The following STYXL2 variants were observed in gnomAD, a reference collection of about 807,000 sequenced individuals.
STYXL2 encodes serine/threonine/tyrosine interacting like 2.
In STYXL2, 44 loss-of-function variants were observed where a neutral mutation model predicts 52.4. The observed-to-expected ratio is 0.84, with a 90% CI of 0.66 to 1.08. The LOEUF is 1.08. Among genes scored for constraint, STYXL2 ranks in the 50% least tolerant of loss-of-function variants. The probability of loss-of-function intolerance (pLI) is 0.00; values close to 1 mark genes in which losing one functional copy is unlikely to be tolerated. For missense variants in STYXL2, 1,604 were observed against 1,471.7 expected, an observed-to-expected ratio of 1.09 and a Z score of -1.47; for synonymous variants, 604 against 586.9, an observed-to-expected ratio of 1.03 and a Z score of -0.42.
chr1:167,111,466 G>GTATATATATA (rs1667613973), intron 2 of STYXL2, among the ~76,000 whole-genome samples: 1 of 78,464 alleles, frequency 1.3e-5, no homozygotes, highest in Non-Finnish European at 2.8e-5. Context: ...GGAAAATATG[G>GTATATATATA]TACATATATA....
rs768406505 is a variant in STYXL2 at position 167,094,913 on chromosome 1, G to T, written c.64G>T (p.Val22Leu). The T allele has an allele frequency of 2.0e-5, 33 of 1,612,254 alleles. No homozygotes were observed. The South Asian group carries it at 2.9e-4, about 14-fold the overall frequency. Residue 22 changes from valine (V) to leucine (L), a missense_variant, in exon 2 of 6, where the codon GTG becomes TTG. Physicochemically the swap from Val to Leu is conservative, Grantham distance 32 (BLOSUM62 1). Transcript: ENST00000361200. ...CCCAAGCGAGGAGGACGAAGCCAACGTGAGGGCGGTGCAGGCCCACTACCT... is the reference window on the plus strand; with the variant it reads ...CCCAAGCGAGGAGGACGAAGCCAACTTGAGGGCGGTGCAGGCCCACTACCT... Reference protein sequence around the residue: ...VVPSEEDEANVRAVQAHYLRS... With the variant: ...VVPSEEDEANLRAVQAHYLRS...
At chr1:167,116,318 G>T (rs1667720883) in intron 3 of STYXL2, among the ~76,000 whole-genome samples, 1 of 152,156 alleles carries the variant, frequency 6.6e-6, no homozygotes, top group South Asian at 2.1e-4. Context: ...TCTGGAGTTT[G>T]AGCTTTTCTG....
At chr1:167,114,522 C>G (rs1197146580) in intron 3 of STYXL2, among the ~76,000 whole-genome samples, 1 of 152,160 alleles carries the variant, frequency 6.6e-6, no homozygotes, top group Admixed American at 6.5e-5. Flanking sequence ...TCTCAACCAC[C>G]GCTGGTGGCC....
intron 4 of STYXL2, among the ~76,000 whole-genome samples, chr1:167,118,479 A>G (rs1032621376): frequency 6.6e-6 from 1 of 152,200 alleles, no homozygotes; most frequent in African/African-American, 2.4e-5. Flanking sequence ...CTAGAACTTG[A>G]TCCTCAGAGC....
At position 167,127,591 on chromosome 1, in the gene STYXL2, C is replaced by G. The variant is rs1354373043; in HGVS notation, c.2460C>G (p.Ser820Arg). The change falls in exon 6 of 6, where the codon AGC (serine) becomes AGG (arginine). Residue 820 changes from serine (S) to arginine (R), a missense_variant. Ser to Arg is a moderately radical substitution (Grantham distance 110, BLOSUM62 -1). Coordinates refer to ENST00000361200, the MANE Select transcript of STYXL2 (RefSeq NM_001080426.3). The part of the protein sequence containing the change: ...ESCRSKVRGT[S>R]KPIFSLFADN... Reference sequence around the variant, plus strand: ...GCAGAAGCAAAGTGAGGGGGACCAGCAAGCCCATCTTCAGCCTCTTTGCTG... The same window carrying G: ...GCAGAAGCAAAGTGAGGGGGACCAGGAAGCCCATCTTCAGCCTCTTTGCTG... 6.2e-7 allele frequency: 1 copy of G among 1,614,164 alleles called. No homozygotes were observed. The highest frequency in any genetic ancestry group is 2.2e-5 in the East Asian group (1 of 44,888).
At position 167,128,825 on chromosome 1, in the gene STYXL2, C is replaced by A. The variant is rs1314230104; in HGVS notation, c.*217C>A. The A allele has an allele frequency of 1.5e-6, 1 of 669,404 alleles. No individual in the cohort carries two copies. Among genetic ancestry groups the A allele is most frequent in the Non-Finnish European group, 2.4e-6 (1 of 420,266 alleles). 41.5% of individuals were successfully genotyped at this position (669,404 alleles called of 1,614,324 possible). A position where few individuals can be genotyped will look rare whatever the true frequency, so the allele number is the denominator to read the frequency against. ...TCAATACGAATACGAGGTCCGAATG[C>A]GGACCAACTGATACCATTTTCTGTT... On this transcript the variant is annotated 3_prime_UTR_variant, in exon 6 of 6. Coordinates refer to ENST00000361200, the MANE Select transcript of STYXL2 (RefSeq NM_001080426.3).
rs1312507087 is a variant in STYXL2, at chr1:167,096,257, C to CA, written c.110+1307dup. Among the ~76,000 whole-genome samples, 81 of 150,024 alleles carry CA rather than the reference C, an allele frequency of 5.4e-4. 2 individuals are homozygous for CA. The East Asian group carries it at 0.011, about 21-fold the overall frequency. On this transcript the variant is annotated intron_variant, in intron 2 of 5. Transcript: ENST00000361200. Reference sequence around the variant, plus strand: ...TGGGCGACAGAGCGAGACTCCATCTCAAAAAAAAAGAAAAGAAAATTCAGC... The same window carrying CA: ...TGGGCGACAGAGCGAGACTCCATCTCAAAAAAAAAAGAAAAGAAAATTCAGC...
intron 2 of STYXL2, among the ~76,000 whole-genome samples, chr1:167,102,001 A>T (rs1472760909): frequency 6.6e-6 from 1 of 152,208 alleles, no homozygotes; most frequent in African/African-American, 2.4e-5. Context: ...ATACAACAAC[A>T]TGGATGAATC....
chr1:167,126,640 G>A lies in STYXL2; in HGVS notation c.1509G>A (p.Glu503=), dbSNP rs780636057. Residue 503 remains glutamate, a synonymous_variant, in exon 6 of 6, where the codon GAG becomes GAA. Transcript: ENST00000361200. The part of the protein sequence containing the change: ...RRYHAKSKRE[E]AADRSSEAGS... ...ACCACGCCAAGAGCAAGAGAGAGGAGGCGGCAGACAGGAGCTCAGAAGCAG... is the reference window on the plus strand; with the variant it reads ...ACCACGCCAAGAGCAAGAGAGAGGAAGCGGCAGACAGGAGCTCAGAAGCAG... 7.4e-6 allele frequency: 12 copies of A among 1,614,148 alleles called. No individual in the cohort carries two copies. In the East Asian group the frequency reaches 2.7e-4, roughly 36 times the overall value.
In STYXL2 at chr1:167,128,170, G is replaced by A; in HGVS notation, c.3039G>A (p.Arg1013=). The A allele has an allele frequency of 1.9e-6, 3 of 1,614,216 alleles. No individual in the cohort carries two copies. Among genetic ancestry groups the A allele is most frequent in the Non-Finnish European group, 2.5e-6 (3 of 1,180,036 alleles). Residue 1013 remains arginine, a synonymous_variant, in exon 6 of 6, where the codon AGG becomes AGA. Coordinates refer to ENST00000361200, the MANE Select transcript of STYXL2 (RefSeq NM_001080426.3). ...STSRFSSSST[R]EGREMHKFSR... is the part of the protein sequence containing the mutation. Reference sequence around the variant, plus strand: ...CACGGTTCTCATCTTCCTCCACCAGGGAGGGCAGAGAGATGCACAAGTTCT... The same window carrying A: ...CACGGTTCTCATCTTCCTCCACCAGAGAGGGCAGAGAGATGCACAAGTTCT...
chr1:167,098,890 G>A (rs914822561), intron 2 of STYXL2, among the ~76,000 whole-genome samples: 17 of 152,158 alleles, frequency 1.1e-4, no homozygotes, highest in African/African-American at 4.1e-4. Context: ...TCATGAGCTA[G>A]CCTCAGGAGT....
At position 167,127,155 on chromosome 1, in the gene STYXL2, C is replaced by T. The variant is rs777654054; in HGVS notation, c.2024C>T (p.Thr675Met). Reference sequence around the variant, plus strand: ...CCCTCAGTCAGCGCTGATGGGGACACGACGTCAGTACTGAGCACCCAGAGC... The same window carrying T: ...CCCTCAGTCAGCGCTGATGGGGACATGACGTCAGTACTGAGCACCCAGAGC... ...ADPSVSADGD[T>M]TSVLSTQSHR... The change falls in exon 6 of 6, where the codon ACG becomes ATG. Residue 675 changes from threonine to methionine, a missense_variant. By Grantham distance (81) the Thr-to-Met change is moderately conservative. Coordinates refer to ENST00000361200, the MANE Select transcript of STYXL2 (RefSeq NM_001080426.3). 23 of 1,613,994 alleles carry T rather than the reference C, an allele frequency of 1.4e-5. No individual in the cohort carries two copies. Among genetic ancestry groups the T allele is most frequent in the Non-Finnish European group, 1.9e-5 (22 of 1,179,994 alleles).
In STYXL2 at chr1:167,117,436, A is replaced by G; in HGVS notation, c.314A>G (p.Asp105Gly). ...DLYNRVREKM[D>G]DTSLYNTPCV... ...TACAACCGCGTCAGGGAGAAGATGG[A>G]TGACACCAGCCTCTATAATACGCCC... Residue 105 changes from aspartate (D) to glycine (G), a missense_variant, in exon 4 of 6, where the codon GAT becomes GGT. Transcript: ENST00000361200. The G allele has an allele frequency of 3.1e-6, 5 of 1,612,734 alleles. No individual in the cohort carries two copies. Among genetic ancestry groups the G allele is most frequent in the Non-Finnish European group, 4.2e-6 (5 of 1,179,474 alleles).
At chr1:167,108,793 AAAG>A (rs1245512372) in intron 2 of STYXL2, among the ~76,000 whole-genome samples, 2 of 152,202 alleles carry the variant, frequency 1.3e-5, no homozygotes, top group Non-Finnish European at 2.9e-5. Context: ...AGACCCTTTC[AAAG>A]AAGCAGCTTG....
intron 2 of STYXL2, among the ~76,000 whole-genome samples, chr1:167,100,978 A>G (rs1667392477): frequency 6.6e-6 from 1 of 152,238 alleles, no homozygotes. Flanking sequence ...TCACAGAACC[A>G]CACCTAAACC....
chr1:167,111,489 TATATATATATATATATATATATATAC>T lies in STYXL2; in HGVS notation c.111-2219_111-2194del, dbSNP rs1174789991. ...TGGTACATATATATATATATATATA[TATATATATATATATATATATATATAC>T]ACACACACACACACAAATATATATA... On this transcript the variant is annotated intron_variant, in intron 2 of 5. Transcript: ENST00000361200. Among the ~76,000 whole-genome samples, 15 of 69,650 alleles carry T rather than the reference TATATATATATATATATATATATATAC, an allele frequency of 2.2e-4. No individual in the cohort carries two copies. In the East Asian group the frequency reaches 2.8e-3, roughly 13 times the overall value. The allele number at this position is 69,650 out of a possible 152,430, so 45.7% of individuals were successfully genotyped here.
intron 1 of STYXL2, 133 bp from the exon 2 acceptor site, chr1:167,094,701 C>T (rs906930719): frequency 7.8e-6 from 5 of 643,558 alleles, no homozygotes; most frequent in East Asian, 2.8e-5. Flanking sequence ...CTGGATATTC[C>T]TTGCTGGTCT....
At position 167,128,004 on chromosome 1, in the gene STYXL2, C is replaced by T. The variant is rs751579282; in HGVS notation, c.2873C>T (p.Ser958Phe). Reference protein sequence around the residue: ...PPFQSDWSGSSRGKYTRSSLL... With the variant: ...PPFQSDWSGSFRGKYTRSSLL... ...TTCCAAAGTGACTGGTCTGGAAGTT[C>T]CAGAGGGAAGTACACCAGATCGTCC... Residue 958 changes from serine (S) to phenylalanine (F), a missense_variant, in exon 6 of 6, where the codon TCC becomes TTC. By Grantham distance (155) the Ser-to-Phe change is radical (BLOSUM62 -2). Coordinates refer to ENST00000361200, the MANE Select transcript of STYXL2 (RefSeq NM_001080426.3). 6.2e-7 allele frequency: 1 copy of T among 1,614,152 alleles called. No homozygotes were observed. Among genetic ancestry groups the T allele is most frequent in the South Asian group, 1.1e-5 (1 of 91,064 alleles).
At position 167,127,850 on chromosome 1, in the gene STYXL2, C is replaced by A; in HGVS notation, c.2719C>A (p.Pro907Thr). The A allele has an allele frequency of 6.2e-7, 1 of 1,613,854 alleles. No homozygotes were observed. The change falls in exon 6 of 6, where the codon CCT becomes ACT. Residue 907 changes from proline to threonine, a missense_variant. Pro to Thr is a conservative substitution (Grantham distance 38). Coordinates refer to ENST00000361200, the MANE Select transcript of STYXL2 (RefSeq NM_001080426.3). ...RYSSRSNSQK[P>T]ETDTCSSLAV... ...TTCTTCCCGCAGTAATTCCCAGAAA[C>A]CTGAAACAGACACATGCTCCTCCCT...
Sources: gnomAD v4.1 joint callset for allele counts (sites outside exome capture counted in the v4.1 genomes callset) on GRCh38, gnomAD v4.1.1 for gene constraint, MANE v1.5 for transcripts, NCBI Gene and HGNC (gene_info 2026-07-23, HGNC 2026-07-21) for gene names.